SLIT3: variants seen among roughly 807,000 people sequenced by gnomAD.
SLIT3 encodes slit homolog 3 protein.
A neutral mutation model predicts 184.0 loss-of-function variants in SLIT3; 68 were observed. That is an observed-to-expected ratio of 0.37 (90% CI 0.30 to 0.45). SLIT3 has a LOEUF of 0.45. Ranked by LOEUF, SLIT3 falls within the 20% of genes least tolerant of loss-of-function variation. SLIT3 has a pLI of 1.00. For missense variants in SLIT3, 1,707 were observed against 2,026.0 expected, an observed-to-expected ratio of 0.84 and a Z score of 3.02; for synonymous variants, 831 against 828.6, an observed-to-expected ratio of 1.00 and a Z score of -0.05.
chr5:169,099,261 A>T (rs1371722995), intron 4 of SLIT3, among the ~76,000 whole-genome samples: 6 of 152,204 alleles, frequency 3.9e-5, no homozygotes, highest in Non-Finnish European at 7.3e-5. Context: ...TTGCAGGCAC[A>T]GAAGCCCCCA....
chr5:168,957,964 A>C (rs1188945776), intron 4 of SLIT3, among the ~76,000 whole-genome samples: 3 of 152,122 alleles, frequency 2.0e-5, no homozygotes, highest in African/African-American at 7.2e-5. Context: ...AAACATAGGA[A>C]TCATCATCAA....
At chr5:169,199,886 A>G (rs1461149362) in intron 3 of SLIT3, among the ~76,000 whole-genome samples, 3 of 152,234 alleles carry the variant, frequency 2.0e-5, no homozygotes, top group Non-Finnish European at 4.4e-5. Flanking sequence ...CCAACACAGC[A>G]TCAGGCACAC....
intron 5 of SLIT3, among the ~76,000 whole-genome samples, chr5:168,845,618 A>T (rs1014189485): frequency 6.6e-6 from 1 of 152,018 alleles, no homozygotes; most frequent in Non-Finnish European, 1.5e-5. Context: ...ATACACAGAT[A>T]CCAGGGTTTT....
intron 35 of SLIT3, among the ~76,000 whole-genome samples, chr5:168,668,905 A>G (rs1761143528): frequency 6.6e-6 from 1 of 152,232 alleles, no homozygotes; most frequent in Non-Finnish European, 1.5e-5. Context: ...CATAGCTGGG[A>G]TTACAGGCGA....
At chr5:169,094,198 G>A (rs1692286724) in intron 4 of SLIT3, among the ~76,000 whole-genome samples, 1 of 152,188 alleles carries the variant, frequency 6.6e-6, no homozygotes, top group South Asian at 2.1e-4. Flanking sequence ...CTTAATATTT[G>A]TAAGATCCCA....
At chr5:168,858,156 A>G (rs577601899) in intron 5 of SLIT3, among the ~76,000 whole-genome samples, 13 of 152,380 alleles carry the variant, frequency 8.5e-5, no homozygotes, top group Admixed American at 6.5e-4. Context: ...TCTACTGGAA[A>G]AATGAGAGTC....
chr5:168,688,567 C>T (rs754805505), intron 29 of SLIT3, among the ~76,000 whole-genome samples: 4 of 152,164 alleles, frequency 2.6e-5, no homozygotes, highest in Non-Finnish European at 5.9e-5. Flanking sequence ...GATGTGTCCT[C>T]GACTGGAACA....
intron 4 of SLIT3, among the ~76,000 whole-genome samples, chr5:169,115,202 T>C (rs1760613350): frequency 6.6e-6 from 1 of 152,100 alleles, no homozygotes; most frequent in Admixed American, 6.5e-5. Context: ...CTAGACTAAG[T>C]GGGTAAAGGG....
In SLIT3 at chr5:169,234,662, C is replaced by T. The variant is rs145780596; in HGVS notation, c.341+10043G>A. Among the ~76,000 whole-genome samples, 185 of 152,254 alleles carry T rather than the reference C, an allele frequency of 1.2e-3. 1 individual carries two copies. The highest frequency in any genetic ancestry group is 6.8e-3 in the Middle Eastern group (2 of 294). On this transcript the variant is annotated intron_variant, in intron 3 of 35. Transcript: ENST00000519560. The stretch of plus-strand genomic sequence containing the variant: ...ACCTGAAGTGATCTGCCTACCTCAG[C>T]CTCCCAAAGTGCTGGGATTACATGG...
At chr5:169,106,989 G>A (rs373380185) in intron 4 of SLIT3, among the ~76,000 whole-genome samples, 2 of 152,236 alleles carry the variant, frequency 1.3e-5, no homozygotes, top group Non-Finnish European at 2.9e-5. Context: ...GCTGCCAAAC[G>A]TGTCAGAGGA....
chr5:169,004,419 A>G (rs1237531209), intron 4 of SLIT3, among the ~76,000 whole-genome samples: 1 of 152,202 alleles, frequency 6.6e-6, no homozygotes, highest in Non-Finnish European at 1.5e-5. Context: ...TTTTAAGATC[A>G]ACCATAATAA....
chr5:169,270,654 G>T (rs971789751), intron 1 of SLIT3, among the ~76,000 whole-genome samples: 1 of 151,996 alleles, frequency 6.6e-6, no homozygotes. Context: ...TGATCTAGGC[G>T]CTTATATAGT....
chr5:169,114,464 C>T (rs1760571695), intron 4 of SLIT3, among the ~76,000 whole-genome samples: 1 of 152,212 alleles, frequency 6.6e-6, no homozygotes, highest in Non-Finnish European at 1.5e-5. Flanking sequence ...CACTGTCTCT[C>T]GCAGACTTAG....
At chr5:168,791,107 A>G (rs1282508642) in intron 10 of SLIT3, 1 of 152,276 alleles carries the variant, frequency 6.6e-6, no homozygotes, top group African/African-American at 2.4e-5. Flanking sequence ...ACTCTGGATT[A>G]TCCTAATCTC....
At chr5:169,011,230 C>G (rs1756135007) in intron 4 of SLIT3, among the ~76,000 whole-genome samples, 1 of 152,164 alleles carries the variant, frequency 6.6e-6, no homozygotes, top group Admixed American at 6.5e-5. Context: ...CAAAATGGCT[C>G]TTAGAAGCCT....
Position 169,251,508 on chromosome 5 carries a change from G to A in SLIT3, c.198-49C>T, listed in dbSNP as rs375582505. ...TCAGATTTTTGTGGGTTACAATTAC[G>A]GTCTATTTAATCCAGACTGGCTTGG... On this transcript the variant is annotated intron_variant, in intron 1 of 35. Transcript: ENST00000519560. 17 of 1,274,694 alleles carry A rather than the reference G, an allele frequency of 1.3e-5. No individual in the cohort carries two copies. In the African/African-American group the frequency reaches 1.6e-4, roughly 12 times the overall value. 79.0% of individuals were successfully genotyped at this position (1,274,694 alleles called of 1,614,324 possible).
At chr5:168,740,120 C>T (rs1377771255) in intron 20 of SLIT3, among the ~76,000 whole-genome samples, 2 of 152,112 alleles carry the variant, frequency 1.3e-5, no homozygotes, top group East Asian at 3.9e-4. Flanking sequence ...AGTCCTGAGA[C>T]CTAAACATTT....
At chr5:168,975,546 TAC>T (rs1211656109) in intron 4 of SLIT3, among the ~76,000 whole-genome samples, 3 of 151,822 alleles carry the variant, frequency 2.0e-5, no homozygotes, top group African/African-American at 7.3e-5. Flanking sequence ...TCTATATACC[TAC>T]ACAGACACCC....
At position 169,078,469 on chromosome 5, in the gene SLIT3, T is replaced by G. The variant is rs192366677; in HGVS notation, c.413+115010A>C. On this transcript the variant is annotated intron_variant, in intron 4 of 35. Coordinates refer to ENST00000519560, the MANE Select transcript of SLIT3 (RefSeq NM_003062.4). ...GAACCTGAGGTTCAGAGTAGTCAAATGACCAAGCAGAAATCACAGACCCGG... is the reference window on the plus strand; with the variant it reads ...GAACCTGAGGTTCAGAGTAGTCAAAGGACCAAGCAGAAATCACAGACCCGG... Among the ~76,000 whole-genome samples, 4 of 152,164 alleles carry G rather than the reference T, an allele frequency of 2.6e-5. No homozygotes were observed. The East Asian group carries it at 7.7e-4, about 29-fold the overall frequency.
Sources: allele counts gnomAD v4.1 joint callset (sites outside exome capture counted in the v4.1 genomes callset), GRCh38; gene constraint gnomAD v4.1.1; transcripts MANE v1.5; gene names NCBI Gene and HGNC (gene_info 2026-07-23, HGNC 2026-07-21).